The following IL9R variants were observed in gnomAD, a reference collection of about 807,000 sequenced individuals.
IL9R encodes the protein interleukin 9 receptor.
In IL9R, 54 loss-of-function variants were observed where a neutral mutation model predicts 56.3. That is an observed-to-expected ratio of 0.96 (90% CI 0.77 to 1.20). The LOEUF (loss-of-function observed/expected upper bound fraction) is 1.20, where lower values mean the gene tolerates loss of function less well. Ranked by LOEUF, IL9R falls within the 50% of genes most tolerant of loss-of-function variation. IL9R has a pLI of 0.00. For synonymous variants in IL9R, 212 were observed against 250.2 expected, an observed-to-expected ratio of 0.85 and a Z score of 1.44; for missense variants, 545 against 629.8, an observed-to-expected ratio of 0.87 and a Z score of 1.44.
intron 7 of IL9R, among the ~76,000 whole-genome samples, chrX:156,006,810 G>A (rs1055711881): frequency 6.6e-5 from 10 of 151,384 alleles, no homozygotes; most frequent in East Asian, 2.0e-4. Flanking sequence ...AAAACTGTGT[G>A]ACACAACCTA....
Position 156,003,462 on chromosome X carries a change from A to C in IL9R, c.156A>C (p.Arg52Ser). ...CACTGTCTCCAGGGCCAAGGTCTAG[A>C]ACCTTCACCTGCCTCACCAACAACA... ...VTGEGQGPRSRTFTCLTNNIL... is the reference protein window; with the variant it reads ...VTGEGQGPRSSTFTCLTNNIL... Residue 52 changes from arginine to serine, a missense_variant, in exon 3 of 9, where the codon AGA becomes AGC. Physicochemically the swap from Arg to Ser is moderately radical, Grantham distance 110. Around this residue, in one of 2 missense-constraint regions of IL9R, gnomAD observed 431 missense variants for 360.0 expected, o/e 1.20. Transcript: ENST00000244174. 4.3e-6 allele frequency: 7 copies of C among 1,611,480 alleles called. No individual in the cohort carries two copies. The highest frequency in any genetic ancestry group is 5.1e-6 in the Non-Finnish European group (6 of 1,179,402).
In IL9R at chrX:156,003,709, T is replaced by A. The variant is rs1428005842; in HGVS notation, c.287T>A (p.Ile96Asn). The change falls in exon 4 of 9, where the codon ATC (isoleucine) becomes AAC (asparagine). Residue 96 changes from isoleucine (I) to asparagine (N), a missense_variant. Ile to Asn is a moderately radical substitution (Grantham distance 149). Coordinates refer to ENST00000244174, the MANE Select transcript of IL9R (RefSeq NM_002186.3). Reference protein sequence around the residue: ...NQAPGGTHKCILRGSECTVVL... With the variant: ...NQAPGGTHKCNLRGSECTVVL... Reference sequence around the variant, plus strand: ...GCTCCTGGCGGCACACATAAGTGCATCTTGCGGGGCAGTGAGTGCACCGTC... The same window carrying A: ...GCTCCTGGCGGCACACATAAGTGCAACTTGCGGGGCAGTGAGTGCACCGTC... 1.2e-6 allele frequency: 2 copies of A among 1,613,666 alleles called. No homozygotes were observed. Among genetic ancestry groups the A allele is most frequent in the East Asian group, 4.5e-5 (2 of 44,870 alleles).
intron 8 of IL9R, among the ~76,000 whole-genome samples, chrX:156,008,985 TTAAGTCTG>T: frequency 8.5e-6 from 1 of 116,986 alleles, no homozygotes; most frequent in East Asian, 2.4e-4. Context: ...CTGTGTGTGT[TTAAGTCTG>T]TGTGTGTTTG....
chrX:156,007,077 A>T (rs949443844), intron 7 of IL9R, among the ~76,000 whole-genome samples: 2 of 151,862 alleles, frequency 1.3e-5, no homozygotes, highest in Middle Eastern at 3.4e-3. Context: ...GGTGAAGTCT[A>T]TTTGGACCTG....
At chrX:155,999,012 C>T (rs947906732) in intron 1 of IL9R, among the ~76,000 whole-genome samples, 1 of 152,094 alleles carries the variant, frequency 6.6e-6, no homozygotes, top group Non-Finnish European at 1.5e-5. Flanking sequence ...GGCCACTGCT[C>T]AACCCTTGGG....
At chrX:156,004,009 C>G (rs2067731835) in intron 4 of IL9R, among the ~76,000 whole-genome samples, 154 bp downstream of exon 4, 2 of 152,154 alleles carry the variant, frequency 1.3e-5, no homozygotes. Context: ...AGGCTTGGCC[C>G]TTGGGAGGGG....
chrX:156,004,990 CTT>C (rs2067818012), intron 5 of IL9R, among the ~76,000 whole-genome samples: 1 of 151,944 alleles, frequency 6.6e-6, no homozygotes, highest in South Asian at 2.1e-4. Flanking sequence ...TGTGCACACA[CTT>C]TTGTTTATGA....
chrX:156,004,762 C>T (rs1354593414), intron 5 of IL9R, among the ~76,000 whole-genome samples, 197 bp downstream of exon 5: 24 of 152,018 alleles, frequency 1.6e-4, no homozygotes, highest in Admixed American at 6.6e-4. Flanking sequence ...AGGGTGAGTG[C>T]GCCTGTGTCT....
chrX:156,006,410 G>C (rs3093521), intron 7 of IL9R, among the ~76,000 whole-genome samples: 49,771 of 136,290 alleles, frequency 0.37, 8,580 homozygotes, highest in East Asian at 0.67. Flanking sequence ...GGGTTCTCAA[G>C]TTGCCAGGGG....
At chrX:156,008,858 C>CGTGTGTGTGTCTGT (rs2068179329) in intron 8 of IL9R, among the ~76,000 whole-genome samples, 1 of 149,574 alleles carries the variant, frequency 6.7e-6, no homozygotes, top group Admixed American at 6.6e-5. Context: ...GACAGCGATT[C>CGTGTGTGTGTCTGT]GTGTGTGTGT....
intron 8 of IL9R, among the ~76,000 whole-genome samples, chrX:156,008,633 G>T (rs2068159074): frequency 6.6e-6 from 1 of 152,100 alleles, no homozygotes; most frequent in Admixed American, 6.5e-5. Flanking sequence ...ACCTGCCACG[G>T]GTTATTTAGA....
chrX:156,009,258 G>GTGTGTTTATGTGTGTGTGTC (rs2068290353), intron 8 of IL9R, among the ~76,000 whole-genome samples: 3 of 120,020 alleles, frequency 2.5e-5, no homozygotes, highest in African/African-American at 3.5e-5. Context: ...GTGTCTGTGT[G>GTGTGTTTATGTGTGTGTGTC]TGTGTGTTTG....
chrX:155,999,103 AG>A (rs1216326677), intron 1 of IL9R, among the ~76,000 whole-genome samples: 1 of 151,946 alleles, frequency 6.6e-6, no homozygotes, highest in Non-Finnish European at 1.5e-5. Context: ...GAGGCCTACT[AG>A]GGGACTGGGG....
chrX:156,002,853 A>T, intron 1 of IL9R, 53 bp from the exon 2 acceptor site: 2 of 1,611,914 alleles, frequency 1.2e-6, no homozygotes, highest in Non-Finnish European at 1.7e-6. Flanking sequence ...CATGGGGAGC[A>T]CCCCTCCAGA....
At chrX:155,999,626 C>T (rs2067377000) in intron 1 of IL9R, among the ~76,000 whole-genome samples, 1 of 152,146 alleles carries the variant, frequency 6.6e-6, no homozygotes, top group Non-Finnish European at 1.5e-5. Flanking sequence ...CTGGCCCCTG[C>T]TCCCATTTCC....
chrX:155,999,360 A>G (rs999045575), intron 1 of IL9R, among the ~76,000 whole-genome samples: 1 of 152,052 alleles, frequency 6.6e-6, no homozygotes, highest in Non-Finnish European at 1.5e-5. Context: ...CGGATGCAGC[A>G]CTGCCCCTCA....
intron 1 of IL9R, among the ~76,000 whole-genome samples, chrX:156,002,081 C>T (rs2067569931): frequency 1.3e-5 from 2 of 152,054 alleles, no homozygotes; most frequent in African/African-American, 4.8e-5. Flanking sequence ...GGTGCTCACG[C>T]CTGTAATCCC....
At chrX:156,003,590 C>G (rs1456540665) in intron 3 of IL9R, 30 bp downstream of exon 3, 3 of 1,607,736 alleles carry the variant, frequency 1.9e-6, no homozygotes, top group Non-Finnish European at 1.7e-6. Flanking sequence ...CCCACCTGGA[C>G]AGGGATGAGG....
intron 8 of IL9R, among the ~76,000 whole-genome samples, chrX:156,009,429 T>TTGTG (rs754546109): frequency 0.16 from 20,554 of 128,170 alleles, 434 homozygotes; most frequent in East Asian, 0.4. Context: ...TTGTGTATGT[T>TTGTG]TGTGTGTGTG....
Sources: allele counts gnomAD v4.1 joint callset (sites outside exome capture counted in the v4.1 genomes callset), GRCh38; gene constraint gnomAD v4.1.1; regional missense constraint gnomAD v4.1.1; transcripts MANE v1.5; gene names NCBI Gene and HGNC (gene_info 2026-07-23, HGNC 2026-07-21).